The following GLIPR2 variants were observed in gnomAD, a reference collection of about 807,000 sequenced individuals.
The protein encoded by GLIPR2 is GLI pathogenesis related 2.
Under a neutral mutation model 20.4 loss-of-function variants are expected in GLIPR2, and 21 were observed. The observed-to-expected ratio is 1.03, with a 90% CI of 0.73 to 1.48. The LOEUF (loss-of-function observed/expected upper bound fraction) is 1.48. Among genes scored for constraint, GLIPR2 ranks in the 40% most tolerant of loss-of-function variants. The pLI is 0.00. For missense variants in GLIPR2, 205 were observed against 200.1 expected (o/e 1.02, Z -0.15); for synonymous variants, 91 against 80.5 (o/e 1.13, Z -0.70).
chr9:36,161,073 T>C lies in GLIPR2; in HGVS notation c.305-1289T>C, dbSNP rs375948619. ...AAAAGAAAAGAAAAAGAAAATGATT[T>C]TGAGGGGCCAAGGTGGATGCCATAG... On this transcript the variant is annotated intron_variant, in intron 4 of 4. Coordinates refer to ENST00000377960, the MANE Select transcript of GLIPR2 (RefSeq NM_022343.4). Among the ~76,000 whole-genome samples, 5 of 151,974 alleles carry C rather than the reference T, an allele frequency of 3.3e-5. No homozygotes were observed. In the East Asian group the frequency reaches 7.7e-4, roughly 23 times the overall value.
intron 4 of GLIPR2, among the ~76,000 whole-genome samples, chr9:36,154,807 C>CATGTGCACTTT (rs1258438862): frequency 6.6e-6 from 1 of 152,220 alleles, no homozygotes; most frequent in African/African-American, 2.4e-5. Context: ...CACAGGCACT[C>CATGTGCACTTT]GTGCTGCTCA....
At chr9:36,152,398 G>A (rs534948442) in intron 4 of GLIPR2, among the ~76,000 whole-genome samples, 5 of 152,252 alleles carry the variant, frequency 3.3e-5, no homozygotes, top group East Asian at 3.9e-4. Context: ...ACATGTGTCC[G>A]AGCAAGTTAT....
At chr9:36,160,182 C>T (rs62543626) in intron 4 of GLIPR2, among the ~76,000 whole-genome samples, 14,999 of 152,036 alleles carry the variant, frequency 0.099, 973 homozygotes, top group South Asian at 0.23. Context: ...CACCACCATG[C>T]CCGGCTAATT....
intron 2 of GLIPR2, among the ~76,000 whole-genome samples, chr9:36,148,240 A>C (rs1825422776): frequency 6.6e-6 from 1 of 151,242 alleles, no homozygotes; most frequent in Non-Finnish European, 1.5e-5. Context: ...AGAGTGAGAC[A>C]ACATCTCAAA....
At chr9:36,145,613 G>A (rs1429992557) in intron 1 of GLIPR2, among the ~76,000 whole-genome samples, 1 of 152,206 alleles carries the variant, frequency 6.6e-6, no homozygotes, top group Non-Finnish European at 1.5e-5. Flanking sequence ...GATGAGTAAT[G>A]TTAGATGGAT....
chr9:36,162,396 G>A lies in GLIPR2; in HGVS notation c.339G>A (p.Lys113=). The A allele has an allele frequency of 1.2e-6, 2 of 1,614,040 alleles. No homozygotes were observed. The highest frequency in any genetic ancestry group is 3.3e-5 in the Admixed American group (2 of 59,982). The change falls in exon 5 of 5, where the codon AAG becomes AAA. Residue 113 remains lysine (K), a synonymous_variant. Transcript: ENST00000377960. ...HFTAMVWKNT[K]KMGVGKASAS... is the part of the protein sequence containing the mutation. ...CGGCCATGGTATGGAAGAACACCAA[G>A]AAGATGGGCGTGGGGAAGGCGTCCG... is the stretch of plus-strand genomic sequence containing the variant.
At chr9:36,141,340 T>C (rs1416832333) in intron 1 of GLIPR2, among the ~76,000 whole-genome samples, 1 of 150,890 alleles carries the variant, frequency 6.6e-6, no homozygotes, top group Non-Finnish European at 1.5e-5. Context: ...CAGCTGAAAT[T>C]CATTCTTTTT....
At chr9:36,148,243 A>T (rs1485907129) in intron 2 of GLIPR2, among the ~76,000 whole-genome samples, 1 of 150,484 alleles carries the variant, frequency 6.6e-6, no homozygotes, top group Non-Finnish European at 1.5e-5. Flanking sequence ...GTGAGACAAC[A>T]TCTCAAAAAA....
intron 1 of GLIPR2, among the ~76,000 whole-genome samples, chr9:36,138,114 G>A (rs565812348): frequency 1.3e-5 from 2 of 152,252 alleles, no homozygotes; most frequent in Non-Finnish European, 2.9e-5. Flanking sequence ...TGGTGATGGA[G>A]CAAAAGTATG....
chr9:36,137,027 C>T (rs947371156), intron 1 of GLIPR2: 2 of 414,260 alleles, frequency 4.8e-6, no homozygotes, highest in Non-Finnish European at 8.2e-6. Flanking sequence ...GCTTCCCGAC[C>T]CTGAGGGGCT....
At chr9:36,156,397 A>T (rs1251646030) in intron 4 of GLIPR2, among the ~76,000 whole-genome samples, 8 of 147,930 alleles carry the variant, frequency 5.4e-5, no homozygotes, top group Admixed American at 5.3e-4. Flanking sequence ...AAAAAAAAAA[A>T]AAAAAAAAAA....
intron 1 of GLIPR2, among the ~76,000 whole-genome samples, chr9:36,137,911 C>T (rs532154697): frequency 1.3e-5 from 2 of 152,252 alleles, no homozygotes; most frequent in African/African-American, 4.8e-5. Context: ...CCTAACCAGC[C>T]TTCCTAGGCT....
chr9:36,136,667 C>A, upstream of GLIPR2: 1 of 795,828 alleles, frequency 1.3e-6, no homozygotes, highest in Non-Finnish European at 1.7e-6. This position sits in a 1 kb window ranked among gnomAD's most constrained non-coding sequence, Gnocchi z 4.3. Flanking sequence ...GGCCGGGCGG[C>A]GCCGGAGGAG....
chr9:36,163,901 G>A lies in GLIPR2; in HGVS notation c.*1379G>A, dbSNP rs966023790. 2.0e-5 allele frequency: 3 copies of A among 152,650 alleles called. No individual in the cohort carries two copies. The highest frequency in any genetic ancestry group is 7.2e-5 in the African/African-American group (3 of 41,442). 9.5% of individuals were successfully genotyped at this position (152,650 alleles called of 1,614,324 possible). A position where few individuals can be genotyped will look rare whatever the true frequency, so the allele number is the denominator to read the frequency against. ...AGAAGACAATAAAATCTTTTTCTTT[G>A]TGTAATAACCTCCTCCAATGTGATT... On this transcript the variant is annotated 3_prime_UTR_variant, in exon 5 of 5. Coordinates refer to ENST00000377960, the MANE Select transcript of GLIPR2 (RefSeq NM_022343.4).
At chr9:36,147,946 C>A in intron 2 of GLIPR2, 52 bp downstream of exon 2, 1 of 871,120 alleles carries the variant, frequency 1.1e-6, no homozygotes. Context: ...GCTGCTACTG[C>A]AGTCACAAAG....
At chr9:36,150,999 T>G (rs1587143568) in intron 4 of GLIPR2, 50 bp downstream of exon 4, 1 of 1,303,774 alleles carries the variant, frequency 7.7e-7, no homozygotes, top group Non-Finnish European at 1.1e-6. Context: ...GCAATGCAGG[T>G]TGGGTGTCTG....
intron 4 of GLIPR2, among the ~76,000 whole-genome samples, chr9:36,161,639 AAGGGGG>A (rs2132797338): frequency 6.6e-6 from 1 of 152,110 alleles, no homozygotes; most frequent in South Asian, 2.1e-4. Context: ...TAGAAACCAA[AAGGGGG>A]AGGGGTGCCT....
In GLIPR2 at chr9:36,162,394, A is replaced by G. The variant is rs1826094367; in HGVS notation, c.337A>G (p.Lys113Glu). The G allele has an allele frequency of 1.2e-6, 2 of 1,613,820 alleles. No homozygotes were observed. The highest frequency in any genetic ancestry group is 2.7e-5 in the African/African-American group (2 of 74,924). The change falls in exon 5 of 5, where the codon AAG becomes GAG. Residue 113 changes from lysine to glutamate, a missense_variant. Physicochemically the swap from Lys to Glu is moderately conservative, Grantham distance 56. Transcript: ENST00000377960. ...HFTAMVWKNT[K>E]KMGVGKASAS... ...CACGGCCATGGTATGGAAGAACACC[A>G]AGAAGATGGGCGTGGGGAAGGCGTC...
chr9:36,156,824 A>T (rs1825855215), intron 4 of GLIPR2, among the ~76,000 whole-genome samples: 1 of 152,178 alleles, frequency 6.6e-6, no homozygotes, highest in African/African-American at 2.4e-5. Flanking sequence ...GAACAGTTTC[A>T]TCCTGAAACC....
Sources: gnomAD v4.1 joint callset for allele counts (sites outside exome capture counted in the v4.1 genomes callset) on GRCh38, gnomAD v4.1.1 for gene constraint, Gnocchi (gnomAD v3.1) non-coding constraint, MANE v1.5 for transcripts, NCBI Gene and HGNC (gene_info 2026-07-23, HGNC 2026-07-21) for gene names.